RNF167: variants seen among roughly 807,000 people sequenced by gnomAD.
RNF167 encodes ring finger protein 167.
In RNF167, 19 loss-of-function variants were observed where a neutral mutation model predicts 34.8. The observed-to-expected ratio is 0.55, with a 90% CI of 0.38 to 0.80. RNF167 has a LOEUF of 0.80. Ranked by LOEUF, RNF167 falls within the 30% of genes least tolerant of loss-of-function variation. RNF167 has a pLI of 0.00. For missense variants in RNF167, 464 were observed against 447.0 expected, an observed-to-expected ratio of 1.04 and a Z score of -0.34; for synonymous variants, 200 against 170.4, an observed-to-expected ratio of 1.17 and a Z score of -1.35.
intron 7 of RNF167, 69 bp from the exon 8 acceptor site, chr17:4,943,357 G>A (rs1342932130): frequency 1.2e-5 from 19 of 1,586,868 alleles, no homozygotes; most frequent in Non-Finnish European, 5.2e-6. Context: ...GTTGGGAGAT[G>A]GGAGTGGCTT....
rs757912624 is a variant in RNF167 at position 4,944,758 on chromosome 17, G to A, written c.795G>A (p.Arg265=). 3 of 1,613,390 alleles carry A rather than the reference G, an allele frequency of 1.9e-6. No homozygotes were observed. Among genetic ancestry groups the A allele is most frequent in the Non-Finnish European group, 2.5e-6 (3 of 1,179,658 alleles). The change falls in exon 10 of 10, where the codon CGG becomes CGA. Residue 265 remains arginine (R), a synonymous_variant. Coordinates refer to ENST00000262482, the MANE Select transcript of RNF167 (RefSeq NM_015528.3). ...TGGACCCCTGGCTCACTCAGACCCG[G>A]AAGACCTGCCCCATTTGCAAGCAGC... is the stretch of plus-strand genomic sequence containing the variant. ...RCVDPWLTQT[R]KTCPICKQPV... is the part of the protein sequence containing the mutation.
At position 4,943,471 on chromosome 17, in the gene RNF167, C is replaced by T. The variant is rs1283095135; in HGVS notation, c.622C>T (p.Leu208Phe). The change falls in exon 8 of 10, where the codon CTT becomes TTT. Residue 208 changes from leucine (L) to phenylalanine (F), a missense_variant. Physicochemically the swap from Leu to Phe is conservative, Grantham distance 22. Transcript: ENST00000262482. ...QHRKRLQRNR[L>F]TKEQLKQIPT... is the part of the protein sequence containing the mutation. ...CCGGAAACGGCTCCAGCGGAATCGA[C>T]TTACCAAAGAGCAACTGAAACAGAT... 4 of 1,614,086 alleles carry T rather than the reference C, an allele frequency of 2.5e-6. No homozygotes were observed. The highest frequency in any genetic ancestry group is 3.4e-6 in the Non-Finnish European group (4 of 1,180,012).
Position 4,943,610 on chromosome 17 carries a change from C to T in RNF167, c.670+91C>T, listed in dbSNP as rs1597671806. 13 of 1,080,758 alleles carry T rather than the reference C, an allele frequency of 1.2e-5. No individual in the cohort carries two copies. In the East Asian group the frequency reaches 3.2e-4, roughly 27 times the overall value. The allele number at this position is 1,080,758 out of a possible 1,614,324, so 66.9% of individuals were successfully genotyped here. A position where few individuals can be genotyped will look rare whatever the true frequency, so the allele number is the denominator to read the frequency against. ...CAGAAGATAGGGTATACAAAGATGG[C>T]AGTGGCCGGGCACAGTGGCTCACGT... On this transcript the variant is annotated intron_variant, in intron 8 of 9. Transcript: ENST00000262482.
In RNF167 at chr17:4,943,245, G is replaced by A. The variant is rs760309978; in HGVS notation, c.537G>A (p.Gly179=). The change falls in exon 7 of 10, where the codon GGG becomes GGA. Residue 179 remains glycine (G), a synonymous_variant. Coordinates refer to ENST00000262482, the MANE Select transcript of RNF167 (RefSeq NM_015528.3). ...GCTATTACCTCATCCCTTTCACAGGGATTGTGGGACTGCTGGTTTTGGCCA... is the reference window on the plus strand; with the variant it reads ...GCTATTACCTCATCCCTTTCACAGGAATTGTGGGACTGCTGGTTTTGGCCA... The part of the protein sequence containing the change: ...PLGYYLIPFT[G]IVGLLVLAMG... 4.3e-6 allele frequency: 7 copies of A among 1,614,150 alleles called. No homozygotes were observed. Among genetic ancestry groups the A allele is most frequent in the Non-Finnish European group, 5.9e-6 (7 of 1,180,024 alleles).
Position 4,942,903 on chromosome 17 carries a change from C to T in RNF167, c.432C>T (p.Ser144=). 1 of 1,614,168 alleles carries T rather than the reference C, an allele frequency of 6.2e-7. No individual in the cohort carries two copies. The change falls in exon 6 of 10, where the codon AGC becomes AGT. Residue 144 remains serine (S), a synonymous_variant. Coordinates refer to ENST00000262482, the MANE Select transcript of RNF167 (RefSeq NM_015528.3). ...WIPSVFIGER[S]SEYLRALFVY... is the part of the protein sequence containing the mutation. ...CGTCTGTATTTATTGGGGAGAGAAG[C>T]TCCGAGTACCTGCGTGCCCTCTTTG... is the stretch of plus-strand genomic sequence containing the variant.
intron 3 of RNF167, among the ~76,000 whole-genome samples, chr17:4,942,027 T>C (rs907232523): frequency 2.0e-5 from 3 of 152,024 alleles, no homozygotes; most frequent in Non-Finnish European, 4.4e-5. Flanking sequence ...CATGGGTGGT[T>C]TGAGAATTGA....
At chr17:4,940,419 C>A (rs1725945728) in intron 1 of RNF167, 59 bp downstream of exon 1, 1 of 159,228 alleles carries the variant, frequency 6.3e-6, no homozygotes, top group Admixed American at 6.5e-5. Context: ...TCTTCTGGGC[C>A]ACCAGTGCCC....
At position 4,944,843 on chromosome 17, in the gene RNF167, G is replaced by T; in HGVS notation, c.880G>T (p.Gly294Cys). 6.2e-7 allele frequency: 1 copy of T among 1,613,604 alleles called. No homozygotes were observed. The highest frequency in any genetic ancestry group is 8.5e-7 in the Non-Finnish European group (1 of 1,179,768). ...QEEETQGQEE[G>C]DEGEPRDHPA... is the part of the protein sequence containing the mutation. ...GGAAGAAACTCAAGGGCAAGAGGAG[G>T]GTGATGAAGGGGAGCCAAGGGACCA... Residue 294 changes from glycine (G) to cysteine (C), a missense_variant, in exon 10 of 10, where the codon GGT (glycine) becomes TGT (cysteine). Gly to Cys is a radical substitution (Grantham distance 159). Transcript: ENST00000262482.
In RNF167 at chr17:4,940,893, T is replaced by C; in HGVS notation, c.-17T>C. The C allele has an allele frequency of 1.3e-6, 2 of 1,565,336 alleles. No homozygotes were observed. Among genetic ancestry groups the C allele is most frequent in the Non-Finnish European group, 8.7e-7 (1 of 1,153,980 alleles). On this transcript the variant is annotated 5_prime_UTR_variant, in exon 2 of 10. Transcript: ENST00000262482. ...ACCAGGACGCGCGGCCTCCTCAGCC[T>C]CTTTCCTCCCGCTGCCATGCACCCT...
chr17:4,940,337 C>G lies in RNF167; in HGVS notation c.-447C>G, dbSNP rs932764253. 6.1e-6 allele frequency: 1 copy of G among 164,350 alleles called. No homozygotes were observed. The highest frequency in any genetic ancestry group is 2.4e-5 in the African/African-American group (1 of 41,832). The allele number at this position is 164,350 out of a possible 1,614,324, so 10.2% of individuals were successfully genotyped here. A position where few individuals can be genotyped will look rare whatever the true frequency, so the allele number is the denominator to read the frequency against. The stretch of plus-strand genomic sequence containing the variant: ...AGCACTCTCGCGAGATTTGAAGGAG[C>G]GGCGGAGGCCAGAGGGAGGAGAGGT... On this transcript the variant is annotated 5_prime_UTR_variant, in exon 1 of 10. Transcript: ENST00000262482.
chr17:4,941,191 CCCTT>C (rs150319818), intron 3 of RNF167, 34 bp downstream of exon 3: 27,788 of 1,553,658 alleles, frequency 0.018, 311 homozygotes, highest in Non-Finnish European at 0.02. Context: ...CTCCTTCCCT[CCCTT>C]CCTTCCTTTT....
At chr17:4,943,590 G>A in intron 8 of RNF167, 71 bp downstream of exon 8, 2 of 1,250,882 alleles carry the variant, frequency 1.6e-6, no homozygotes, top group South Asian at 2.5e-5. Flanking sequence ...GAGCCCAGAA[G>A]ATAGGGTATA....
intron 8 of RNF167, 98 bp from the exon 9 acceptor site, chr17:4,944,460 C>T: frequency 1.3e-6 from 2 of 1,504,580 alleles, no homozygotes; most frequent in South Asian, 2.7e-5. Flanking sequence ...CTTCCACTGG[C>T]TTTGTAGGTG....
chr17:4,941,380 G>T (rs550262507), intron 3 of RNF167, among the ~76,000 whole-genome samples: 2 of 152,290 alleles, frequency 1.3e-5, no homozygotes, highest in South Asian at 4.1e-4. Context: ...GGAACTCCGA[G>T]GTTATCAGGG....
At position 4,943,260 on chromosome 17, in the gene RNF167, G is replaced by T; in HGVS notation, c.552G>T (p.Leu184=). ...CTTTCACAGGGATTGTGGGACTGCT[G>T]GTTTTGGCCATGGGAGCAGTAATGG... The part of the protein sequence containing the change: ...LIPFTGIVGL[L]VLAMGAVMIA... The change falls in exon 7 of 10, where the codon CTG becomes CTT. Residue 184 remains leucine, a synonymous_variant. Transcript: ENST00000262482. 4 of 1,614,130 alleles carry T rather than the reference G, an allele frequency of 2.5e-6. No homozygotes were observed. Among genetic ancestry groups the T allele is most frequent in the Middle Eastern group, 1.6e-4 (1 of 6,062 alleles).
chr17:4,942,178 C>T (rs1970877431), intron 3 of RNF167, among the ~76,000 whole-genome samples, 163 bp from the exon 4 acceptor site: 1 of 152,192 alleles, frequency 6.6e-6, no homozygotes, highest in East Asian at 1.9e-4. Context: ...TTTCAAGAGG[C>T]TAAGAGAAGG....
chr17:4,944,606 G>A lies in RNF167; in HGVS notation c.719G>A (p.Gly240Glu). The change falls in exon 9 of 10, where the codon GGG (glycine) becomes GAG (glutamate). Residue 240 changes from glycine to glutamate, a missense_variant. Gly to Glu is a moderately conservative substitution (Grantham distance 98, BLOSUM62 -2). Transcript: ENST00000262482. ...CAICLDEYEDGDKLRVLPCAH... is the reference protein window; with the variant it reads ...CAICLDEYEDEDKLRVLPCAH... ...ATTTGCCTGGATGAATATGAGGATGGGGACAAGCTGCGGGTACTCCCCTGT... is the reference window on the plus strand; with the variant it reads ...ATTTGCCTGGATGAATATGAGGATGAGGACAAGCTGCGGGTACTCCCCTGT... 6.2e-7 allele frequency: 1 copy of A among 1,611,968 alleles called. No homozygotes were observed. Among genetic ancestry groups the A allele is most frequent in the Non-Finnish European group, 8.5e-7 (1 of 1,179,048 alleles).
rs1454329980 is a variant in RNF167, at chr17:4,942,571, C to T, written c.292-6C>T. ...TGGCTCCTTGTCCTCTGCCTTGTCT[C>T]CCTAGGTCCTAAATGCCCAGAAGGC... On this transcript the variant is annotated splice_polypyrimidine_tract_variant and splice_region_variant and intron_variant, in intron 4 of 9. Coordinates refer to ENST00000262482, the MANE Select transcript of RNF167 (RefSeq NM_015528.3). 1.2e-6 allele frequency: 2 copies of T among 1,613,974 alleles called. No individual in the cohort carries two copies. Among genetic ancestry groups the T allele is most frequent in the South Asian group, 1.1e-5 (1 of 91,084 alleles).
chr17:4,941,432 C>T (rs1970794173), intron 3 of RNF167, among the ~76,000 whole-genome samples: 1 of 152,136 alleles, frequency 6.6e-6, no homozygotes, highest in Non-Finnish European at 1.5e-5. Flanking sequence ...ATCAACGGTC[C>T]TTATCAGGAA....
Sources: gnomAD v4.1 joint callset for allele counts (sites outside exome capture counted in the v4.1 genomes callset) on GRCh38, gnomAD v4.1.1 for gene constraint, MANE v1.5 for transcripts, NCBI Gene and HGNC (gene_info 2026-07-23, HGNC 2026-07-21) for gene names.